The following GALNT2 variants were observed in gnomAD, a reference collection of about 807,000 sequenced individuals.
GALNT2 encodes polypeptide N-acetylgalactosaminyltransferase 2.
GALNT2 carries 31 observed loss-of-function variants against 81.4 expected under a neutral mutation model. The ratio of observed to expected loss-of-function variants is 0.38; its 90% confidence interval spans 0.29 to 0.51. GALNT2 has a LOEUF of 0.51. GALNT2 is among the 20% of genes least tolerant of loss of function. GALNT2 has a pLI of 0.87. For synonymous variants in GALNT2, 303 were observed against 287.4 expected (o/e 1.05, Z -0.55); for missense variants, 629 against 765.7 (o/e 0.82, Z 2.11).
intron 3 of GALNT2, among the ~76,000 whole-genome samples, chr1:230,223,724 G>A (rs533897604): frequency 3.3e-5 from 5 of 152,320 alleles, no homozygotes; most frequent in Non-Finnish European, 5.9e-5. Context: ...TCCTGCCTCG[G>A]CCTCCCAAAG....
chr1:230,136,231 G>A (rs1302071890), intron 1 of GALNT2, among the ~76,000 whole-genome samples: 6 of 152,064 alleles, frequency 3.9e-5, no homozygotes, highest in South Asian at 2.1e-4. Flanking sequence ...AGGTAACTAT[G>A]ATCGAACCTG....
rs1314524625 is a variant in GALNT2 at position 230,243,576 on chromosome 1, A to G, written c.729+149A>G. 8 of 1,010,906 alleles carry G rather than the reference A, an allele frequency of 7.9e-6. No individual in the cohort carries two copies. In the East Asian group the frequency reaches 1.2e-4, roughly 15 times the overall value. The allele number at this position is 1,010,906 out of a possible 1,614,324, so 62.6% of individuals were successfully genotyped here. A position where few individuals can be genotyped will look rare whatever the true frequency, so the allele number is the denominator to read the frequency against. On this transcript the variant is annotated intron_variant, in intron 7 of 15. Coordinates refer to ENST00000366672, the MANE Select transcript of GALNT2 (RefSeq NM_004481.5). This position sits in a 1 kb window ranked among gnomAD's most constrained non-coding sequence, Gnocchi z 4.2. ...CTCGCCGTCTGCAGTTTTCCTTGAT[A>G]GAAGGAAAATGCCTTTGGGGCATTG...
intron 1 of GALNT2, among the ~76,000 whole-genome samples, chr1:230,069,860 C>T (rs1010509084): frequency 6.6e-6 from 1 of 152,134 alleles, no homozygotes; most frequent in African/African-American, 2.4e-5. Context: ...CAAGTCAGGG[C>T]TTTTATTCCA....
intron 11 of GALNT2, among the ~76,000 whole-genome samples, chr1:230,259,304 T>G (rs1240985688): frequency 1.3e-5 from 2 of 152,360 alleles, no homozygotes; most frequent in Non-Finnish European, 2.9e-5. Flanking sequence ...GTACAAAATT[T>G]GTTTGTTTTA....
At chr1:230,256,686 G>A (rs900462702) in intron 11 of GALNT2, among the ~76,000 whole-genome samples, 42 of 152,266 alleles carry the variant, frequency 2.8e-4, no homozygotes, top group African/African-American at 9.4e-4. Flanking sequence ...GCAAATAGCC[G>A]TTCTATCAAG....
At chr1:230,095,924 G>T (rs59581002) in intron 1 of GALNT2, among the ~76,000 whole-genome samples, 1,752 of 152,330 alleles carry the variant, frequency 0.012, 32 homozygotes, top group African/African-American at 0.039. Flanking sequence ...AGCCCCAGCC[G>T]CGAGGCACCT....
At chr1:230,163,997 A>G (rs1662519194) in intron 1 of GALNT2, among the ~76,000 whole-genome samples, 1 of 152,166 alleles carries the variant, frequency 6.6e-6, no homozygotes, top group Non-Finnish European at 1.5e-5. Flanking sequence ...ACTGCCTGTT[A>G]GCTGTGTGCT....
chr1:230,172,405 C>T (rs10159328), intron 1 of GALNT2, among the ~76,000 whole-genome samples: 10,944 of 152,220 alleles, frequency 0.072, 1,285 homozygotes, highest in African/African-American at 0.25. Flanking sequence ...CTTTGCAGCC[C>T]CATTAGAAAT....
At chr1:230,205,710 G>C (rs922123420) in intron 3 of GALNT2, among the ~76,000 whole-genome samples, 1 of 152,188 alleles carries the variant, frequency 6.6e-6, no homozygotes, top group African/African-American at 2.4e-5. Flanking sequence ...ATGTAGGTGC[G>C]TTTCTGGGGA....
chr1:230,058,056 C>T (rs1025455528), exon 1 of GALNT2: 8 of 456,140 alleles, frequency 1.8e-5, no homozygotes, highest in Non-Finnish European at 2.6e-5. Flanking sequence ...GGCAAGGTGC[C>T]CGTAGCCCCT....
At position 230,193,020 on chromosome 1, in the gene GALNT2, A is replaced by AT. The variant is rs907086683; in HGVS notation, c.221-10109dup. On this transcript the variant is annotated intron_variant, in intron 2 of 15. Transcript: ENST00000366672. This position sits in a 1 kb window ranked among gnomAD's most constrained non-coding sequence, Gnocchi z 4.3. ...GACCTTCTAGAGGAAGAATATTAGG[A>AT]TTTTTTTTCTTTTAAGCACAGTAAA... is the stretch of plus-strand genomic sequence containing the variant. 2.6e-5 allele frequency among the ~76,000 whole-genome samples: 4 copies of AT among 152,084 alleles called. No individual in the cohort carries two copies. In the East Asian group the frequency reaches 5.8e-4, roughly 22 times the overall value.
At chr1:230,202,893 A>G (rs952748916) in intron 2 of GALNT2, among the ~76,000 whole-genome samples, 3 of 152,242 alleles carry the variant, frequency 2.0e-5, no homozygotes, top group African/African-American at 7.2e-5. Flanking sequence ...TTCACTGGAC[A>G]GATGCCTGTA....
At chr1:230,099,006 G>A (rs916925632) in intron 1 of GALNT2, among the ~76,000 whole-genome samples, 2 of 152,182 alleles carry the variant, frequency 1.3e-5, no homozygotes, top group African/African-American at 2.4e-5. Context: ...AGATGTTCCC[G>A]ATCGCGCGGA....
At chr1:230,185,834 GT>G (rs1459001044) in intron 2 of GALNT2, among the ~76,000 whole-genome samples, 1 of 152,202 alleles carries the variant, frequency 6.6e-6, no homozygotes, top group Non-Finnish European at 1.5e-5. Context: ...TCCCCCTGGA[GT>G]TTTTAATCTC....
In GALNT2 at chr1:230,195,422, A is replaced by G. The variant is rs529362871; in HGVS notation, c.221-7715A>G. ...TAGAGCTCTGCGTGAGGGGGCAGGA[A>G]GAGGCTTGCAGAGAGAGGAGAAAGA... On this transcript the variant is annotated intron_variant, in intron 2 of 15. Transcript: ENST00000366672. Among the ~76,000 whole-genome samples, 17 of 152,222 alleles carry G rather than the reference A, an allele frequency of 1.1e-4. No homozygotes were observed. In the East Asian group the frequency reaches 3.1e-3, roughly 28 times the overall value.
chr1:230,207,413 GACAA>G (rs1664096687), intron 3 of GALNT2, among the ~76,000 whole-genome samples: 1 of 151,844 alleles, frequency 6.6e-6, no homozygotes, highest in Non-Finnish European at 1.5e-5. Context: ...CAAACAAACA[GACAA>G]ACAAAAAACT....
chr1:230,130,113 C>G (rs150988231), intron 1 of GALNT2, among the ~76,000 whole-genome samples: 166 of 152,362 alleles, frequency 1.1e-3, no homozygotes, highest in African/African-American at 3.8e-3. Context: ...ATGCCCATCA[C>G]TGTGGAACTT....
chr1:230,087,918 A>G (rs1225531446), intron 1 of GALNT2, among the ~76,000 whole-genome samples: 1 of 152,230 alleles, frequency 6.6e-6, no homozygotes, highest in Non-Finnish European at 1.5e-5. Context: ...CTCTGAGAAT[A>G]ATAAAAACGA....
intron 1 of GALNT2, among the ~76,000 whole-genome samples, chr1:230,120,955 AT>A (rs1365426983): frequency 1.3e-5 from 2 of 152,206 alleles, no homozygotes; most frequent in Admixed American, 6.5e-5. Flanking sequence ...TAGGCCAGAA[AT>A]TGGTTAACTG....
Sources: allele counts gnomAD v4.1 joint callset (sites outside exome capture counted in the v4.1 genomes callset), GRCh38; gene constraint gnomAD v4.1.1; non-coding constraint Gnocchi (gnomAD v3.1); transcripts MANE v1.5; gene names NCBI Gene and HGNC (gene_info 2026-07-23, HGNC 2026-07-21).